CLEC12A: variants seen among roughly 807,000 people sequenced by gnomAD.
CLEC12A encodes the protein C-type lectin protein CLL-1.
CLEC12A carries 22 observed loss-of-function variants against 26.5 expected under a neutral mutation model. The observed-to-expected ratio is 0.83, with a 90% CI of 0.59 to 1.19. CLEC12A has a LOEUF of 1.19. CLEC12A is among the 50% of genes most tolerant of loss of function. The pLI is 0.00. For synonymous variants in CLEC12A, 119 were observed against 101.9 expected, an observed-to-expected ratio of 1.17 and a Z score of -1.01; for missense variants, 353 against 315.6, an observed-to-expected ratio of 1.12 and a Z score of -0.90.
the CLEC12A span, among the ~76,000 whole-genome samples, chr12:10,005,878 T>C: frequency 2.8e-4 from 43 of 152,234 alleles, no homozygotes; most frequent in Admixed American, 5.2e-4. Flanking sequence ...TTTTTGTAAA[T>C]AATTCGGAAT....
upstream of CLEC12A, among the ~76,000 whole-genome samples, chr12:9,966,414 C>CA (rs1555140349): frequency 7.6e-4 from 116 of 152,162 alleles, 1 homozygote; most frequent in African/African-American, 2.4e-3. Context: ...GAGTGGCTGC[C>CA]GGTGAGATGG....
downstream of CLEC12A, among the ~76,000 whole-genome samples, chr12:9,986,565 C>T (rs976726499): frequency 8.5e-5 from 13 of 152,104 alleles, no homozygotes; most frequent in African/African-American, 2.2e-4. Flanking sequence ...AATCCCAGCA[C>T]GTTGGGAGGC....
rs189857818 is a variant in CLEC12A, at chr12:9,962,939, G to A, written c.11-8638G>A. Among the ~76,000 whole-genome samples, 905 of 152,258 alleles carry A rather than the reference G, an allele frequency of 5.9e-3. 8 individuals carry two copies. Among genetic ancestry groups the A allele is most frequent in the South Asian group, 0.011 (55 of 4,826 alleles). On this transcript the variant is annotated intron_variant, in intron 1 of 6. Transcript: ENST00000355690. ...TGGGGGCTTGGTATGGAGAGATAAC[G>A]GGCGATATTTCTCAGGGCTGCTTCC...
At chr12:9,980,813 G>A (rs764763986) in intron 4 of CLEC12A, 80 bp downstream of exon 4, 176 of 1,451,344 alleles carry the variant, frequency 1.2e-4, no homozygotes, top group Non-Finnish European at 1.5e-4. Flanking sequence ...ACCCACTCAT[G>A]ATTCTGGTTT....
chr12:9,982,128 T>G lies in CLEC12A; in HGVS notation c.640T>G (p.Trp214Gly), dbSNP rs997689750. 9 of 1,490,096 alleles carry G rather than the reference T, an allele frequency of 6.0e-6. No homozygotes were observed. The highest frequency in any genetic ancestry group is 8.4e-6 in the Non-Finnish European group (9 of 1,068,302). The allele number at this position is 1,490,096 out of a possible 1,614,324, so 92.3% of individuals were successfully genotyped here. A position where few individuals can be genotyped will look rare whatever the true frequency, so the allele number is the denominator to read the frequency against. Reference protein sequence around the residue: ...RVDNIINSSAWVIRNAPDLNN... With the variant: ...RVDNIINSSAGVIRNAPDLNN... ...GGATAATATAATCAACTCCTCTGCC[T>G]GGTAAGTGTCTATTCTTGTTAGAAT... The change falls in exon 5 of 6, where the codon TGG (tryptophan) becomes GGG (glycine). Residue 214 changes from tryptophan (W) to glycine (G), a missense_variant and splice_region_variant. Physicochemically the swap from Trp to Gly is radical, Grantham distance 184. Transcript: ENST00000304361.
Position 9,971,686 on chromosome 12 carries a change from A to G in CLEC12A, c.90A>G (p.Lys30=), listed in dbSNP as rs779966756. 5.6e-6 allele frequency: 9 copies of G among 1,608,236 alleles called. No individual in the cohort carries two copies. The African/African-American group carries it at 9.4e-5, about 17-fold the overall frequency. ...CAGAAATTGGCAAATTTGGGGAAAA[A>G]GGTAAGATTTTGAGTTATGGATGTG... ...KIPEIGKFGE[K]APPAPSHVWR... Residue 30 remains lysine, a splice_region_variant and synonymous_variant, in exon 1 of 6, where the codon AAA becomes AAG. Transcript: ENST00000304361.
rs751632627 is a variant in CLEC12A at position 9,979,499 on chromosome 12, T to C, written c.354T>C (p.Cys118=). The change falls in exon 3 of 6, where the codon TGT becomes TGC. Residue 118 remains cysteine (C), a synonymous_variant. Transcript: ENST00000304361. ...TTLQTIATKL[C]RELYSKEQEH... Reference sequence around the variant, plus strand: ...TGCAAACAATAGCCACCAAATTATGTCGTGAGCTATATAGCAAAGAACAAG... The same window carrying C: ...TGCAAACAATAGCCACCAAATTATGCCGTGAGCTATATAGCAAAGAACAAG... 1.2e-6 allele frequency: 2 copies of C among 1,612,824 alleles called. No homozygotes were observed. The highest frequency in any genetic ancestry group is 2.7e-5 in the African/African-American group (2 of 74,964).
At chr12:9,967,425 A>G (rs893892851), upstream of CLEC12A, among the ~76,000 whole-genome samples, 1 of 152,160 alleles carries the variant, frequency 6.6e-6, no homozygotes, top group African/African-American at 2.4e-5. Context: ...TCGAGTTTGT[A>G]TTGGGGTCAA....
intron 1 of CLEC12A, chr12:9,953,226 T>G (rs1591807267): frequency 1.1e-4 from 9 of 84,208 alleles, no homozygotes; most frequent in Admixed American, 1.3e-4. Flanking sequence ...GTCCAGGAGG[T>G]GAGGGGCGCC....
At chr12:9,993,085 C>T (rs1864928295) in intron 4 of CLEC12A, 1 of 1,509,698 alleles carries the variant, frequency 6.6e-7, no homozygotes, top group African/African-American at 1.4e-5. Context: ...TGCATTCATA[C>T]ATATCTTTTA....
chr12:9,993,419 G>A (rs1380035919), intron 4 of CLEC12A: 2 of 658,666 alleles, frequency 3.0e-6, no homozygotes, highest in Non-Finnish European at 2.6e-6. Flanking sequence ...AAAAAAAAAC[G>A]ATTCTCATTG....
chr12:10,003,305 G>C, the CLEC12A span, among the ~76,000 whole-genome samples: 1 of 152,066 alleles, frequency 6.6e-6, no homozygotes. Context: ...TTTTTTTAAA[G>C]TTAATAAGCT....
chr12:9,985,005 T>C lies in CLEC12A; in HGVS notation c.777T>C (p.Ser259=). 1.3e-6 allele frequency: 2 copies of C among 1,529,810 alleles called. No individual in the cohort carries two copies. The highest frequency in any genetic ancestry group is 1.8e-6 in the Non-Finnish European group (2 of 1,137,844). 94.8% of individuals were successfully genotyped at this position (1,529,810 alleles called of 1,614,324 possible). ...TGGCCAATCCAGTGCAGCTTGGTTC[T>C]ACATATTTTAGGGAGGCATGAGGCA... ...EKMANPVQLG[S]TYFREA The change falls in exon 6 of 6, where the codon TCT becomes TCC. Residue 259 remains serine (S), a synonymous_variant. Transcript: ENST00000304361.
At chr12:9,981,783 G>A (rs2137193162) in intron 4 of CLEC12A, among the ~76,000 whole-genome samples, 1 of 152,146 alleles carries the variant, frequency 6.6e-6, no homozygotes, top group East Asian at 1.9e-4. Flanking sequence ...GTAAATTAAG[G>A]TTGTACATGG....
chr12:9,997,969 T>C (rs1436943441), downstream of CLEC12A, among the ~76,000 whole-genome samples: 1 of 104,784 alleles, frequency 9.5e-6, no homozygotes, highest in African/African-American at 3.2e-5. Flanking sequence ...GGCTGGTTCT[T>C]AGGAATGCAA....
chr12:9,983,486 CA>C, intron 5 of CLEC12A: 1 of 693,480 alleles, frequency 1.4e-6, no homozygotes, highest in Non-Finnish European at 2.6e-6. Flanking sequence ...AAAATAGTGG[CA>C]AATTCCATTT....
downstream of CLEC12A, chr12:9,986,147 A>G (rs1333464326): frequency 2.2e-6 from 1 of 455,394 alleles, no homozygotes; most frequent in Non-Finnish European, 4.4e-6. Flanking sequence ...AAATATCATG[A>G]TTTGGGTTTT....
chr12:9,962,811 A>G (rs1030977880), intron 1 of CLEC12A, among the ~76,000 whole-genome samples: 2 of 152,228 alleles, frequency 1.3e-5, no homozygotes, highest in Non-Finnish European at 2.9e-5. Flanking sequence ...CACAGGGGAT[A>G]GGATGGTTTA....
chr12:10,004,675 G>T, the CLEC12A span, among the ~76,000 whole-genome samples: 68,485 of 151,498 alleles, frequency 0.45, 15,903 homozygotes, highest in Middle Eastern at 0.51. Flanking sequence ...ACTTTTTGGG[G>T]CATGAAAACA....
Sources: allele counts gnomAD v4.1 joint callset (sites outside exome capture counted in the v4.1 genomes callset), GRCh38; gene constraint gnomAD v4.1.1; transcripts MANE v1.5; gene names NCBI Gene and HGNC (gene_info 2026-07-23, HGNC 2026-07-21).